COQ8B: variants seen among roughly 807,000 people sequenced by gnomAD.
COQ8B encodes coenzyme Q8B.
COQ8B carries 44 observed loss-of-function variants against 62.0 expected under a neutral mutation model. The ratio of observed to expected loss-of-function variants is 0.71; its 90% CI spans 0.56 to 0.91. COQ8B has a LOEUF of 0.91. COQ8B is among the 40% of genes least tolerant of loss of function. The pLI is 0.00. For synonymous variants in COQ8B, 252 were observed against 289.9 expected (o/e 0.87, Z 1.33); for missense variants, 649 against 731.6 (o/e 0.89, Z 1.30).
At chr19:40,712,423 A>AC (rs2082149390) in intron 4 of COQ8B, among the ~76,000 whole-genome samples, 1 of 151,534 alleles carries the variant, frequency 6.6e-6, no homozygotes, top group African/African-American at 2.4e-5. Context: ...AAAAAAAAAA[A>AC]AAAAAACAAC....
At chr19:40,710,406 T>C (rs1408817889) in intron 4 of COQ8B, among the ~76,000 whole-genome samples, 2 of 152,044 alleles carry the variant, frequency 1.3e-5, no homozygotes, top group South Asian at 2.1e-4. Flanking sequence ...CCACCACGCC[T>C]GGCTAAATTT....
At position 40,703,596 on chromosome 19, in the gene COQ8B, C is replaced by T. The variant is rs1470926732; in HGVS notation, c.744G>A (p.Gln248=). 5.0e-6 allele frequency: 8 copies of T among 1,611,908 alleles called. No individual in the cohort carries two copies. In the East Asian group the frequency reaches 1.8e-4, roughly 36 times the overall value. The change falls in exon 9 of 15, where the codon CAG becomes CAA. Residue 248 remains glutamine (Q), a synonymous_variant. Transcript: ENST00000324464. ...CCGCCAGCAGGTTCTGGACATCGCTCTGAATGCTCTGGGCTATGCCGGGGT... is the reference window on the plus strand; with the variant it reads ...CCGCCAGCAGGTTCTGGACATCGCTTTGAATGCTCTGGGCTATGCCGGGGT... The part of the protein sequence containing the change: ...IQYPGIAQSI[Q]SDVQNLLAVL...
chr19:40,691,576 C>G lies in COQ8B; in HGVS notation c.*459G>C, dbSNP rs185442840. 48 of 154,714 alleles carry G rather than the reference C, an allele frequency of 3.1e-4. No individual in the cohort carries two copies. Among genetic ancestry groups the G allele is most frequent in the Admixed American group, 2.3e-3 (36 of 15,344 alleles). The allele number at this position is 154,714 out of a possible 1,614,324, so 9.6% of individuals were successfully genotyped here. On this transcript the variant is annotated 3_prime_UTR_variant, in exon 15 of 15. Transcript: ENST00000324464. ...TCCGATTGAAGATTCAGCTCCCCCC[C>G]ACCCCGCACCCCTACCTCTCCAACA... is the stretch of plus-strand genomic sequence containing the variant.
In COQ8B at chr19:40,703,576, A is replaced by G. The variant is rs1428799055; in HGVS notation, c.764T>C (p.Leu255Pro). ...GGCCGCGCTCATCTTGAGTACCGCC[A>G]GCAGGTTCTGGACATCGCTCTGAAT... ...QSIQSDVQNL[L>P]AVLKMSAALP... is the part of the protein sequence containing the mutation. The change falls in exon 9 of 15, where the codon CTG becomes CCG. Residue 255 changes from leucine to proline, a missense_variant. Coordinates refer to ENST00000324464, the MANE Select transcript of COQ8B (RefSeq NM_024876.4). 1 of 1,610,244 alleles carries G rather than the reference A, an allele frequency of 6.2e-7. No homozygotes were observed.
intron 1 of COQ8B, chr19:40,715,399 G>A: frequency 8.1e-6 from 8 of 985,572 alleles, no homozygotes; most frequent in Non-Finnish European, 9.6e-6. Context: ...CAAACCTGAC[G>A]CCTCTCTTCT....
chr19:40,705,234 C>T (rs757869483), intron 6 of COQ8B, 53 bp from the exon 7 acceptor site: 179 of 1,599,376 alleles, frequency 1.1e-4, no homozygotes, highest in Non-Finnish European at 1.4e-4. Flanking sequence ...GAGGAGGGAC[C>T]CCGTGTGAGT....
chr19:40,702,711 C>A lies in COQ8B; in HGVS notation c.800-18G>T. 6.2e-7 allele frequency: 1 copy of A among 1,604,502 alleles called. No homozygotes were observed. The highest frequency in any genetic ancestry group is 8.5e-7 in the Non-Finnish European group (1 of 1,179,700). ...AAACAGGCCTGTGGGGGAGGTGTGT[C>A]AGCCAGGGAAGGGCCCCGAGCGCCC... On this transcript the variant is annotated intron_variant, in intron 9 of 14. Coordinates refer to ENST00000324464, the MANE Select transcript of COQ8B (RefSeq NM_024876.4).
chr19:40,715,149 G>A, intron 1 of COQ8B: 1 of 986,128 alleles, frequency 1.0e-6, no homozygotes, highest in Non-Finnish European at 1.2e-6. Context: ...CCAACCAATG[G>A]CGCGGCAGCA....
chr19:40,706,216 A>C (rs1217692804), intron 5 of COQ8B, among the ~76,000 whole-genome samples: 1 of 152,226 alleles, frequency 6.6e-6, no homozygotes, highest in African/African-American at 2.4e-5. Context: ...AGGTGGGGAC[A>C]TGAGAAGGGC....
In COQ8B at chr19:40,691,715, A is replaced by G; in HGVS notation, c.*320T>C. 4.4e-6 allele frequency: 1 copy of G among 228,100 alleles called. No homozygotes were observed. Among genetic ancestry groups the G allele is most frequent in the East Asian group, 8.4e-5 (1 of 11,912 alleles). The allele number at this position is 228,100 out of a possible 1,614,324, so 14.1% of individuals were successfully genotyped here. A position where few individuals can be genotyped will look rare whatever the true frequency, so the allele number is the denominator to read the frequency against. On this transcript the variant is annotated 3_prime_UTR_variant, in exon 15 of 15. Transcript: ENST00000324464. ...CCACGGGAGGCTTGAGGCAGAGGTG[A>G]GGGCTCCCCCTGATGAGTCTGATCT...
At chr19:40,716,411 G>A (rs1251869248) in intron 1 of COQ8B, among the ~76,000 whole-genome samples, 176 bp downstream of exon 1, 8 of 152,202 alleles carry the variant, frequency 5.3e-5, no homozygotes, top group Non-Finnish European at 1.5e-5. Flanking sequence ...ATGAGATCAT[G>A]TCAGATAGCC....
Position 40,691,970 on chromosome 19 carries a change from AAGGGATAAG to A in COQ8B, c.*56_*64del. 7.1e-7 allele frequency: 1 copy of A among 1,410,750 alleles called. No individual in the cohort carries two copies. The highest frequency in any genetic ancestry group is 9.4e-7 in the Non-Finnish European group (1 of 1,063,414). The allele number at this position is 1,410,750 out of a possible 1,614,324, so 87.4% of individuals were successfully genotyped here. ...CTCCTCTGACCCAGGGCAGACGGGG[AAGGGATAAG>A]AGGCACTACAGCAGGGTACGGCCTG... is the stretch of plus-strand genomic sequence containing the variant. On this transcript the variant is annotated 3_prime_UTR_variant, in exon 15 of 15. Coordinates refer to ENST00000324464, the MANE Select transcript of COQ8B (RefSeq NM_024876.4).
At chr19:40,699,672 C>T (rs138404690) in intron 12 of COQ8B, among the ~76,000 whole-genome samples, 232 of 152,354 alleles carry the variant, frequency 1.5e-3, no homozygotes, top group African/African-American at 5.2e-3. Flanking sequence ...ACTGCCTAGC[C>T]AGGGACTCCA....
intron 12 of COQ8B, among the ~76,000 whole-genome samples, chr19:40,696,725 C>T (rs1291644688): frequency 2.0e-5 from 3 of 151,798 alleles, no homozygotes; most frequent in African/African-American, 7.3e-5. Flanking sequence ...GCCCTGATCA[C>T]ACCTCCCCCA....
At chr19:40,692,412 G>A (rs761972495) in intron 14 of COQ8B, 39 bp from the exon 15 acceptor site, 18 of 1,584,382 alleles carry the variant, frequency 1.1e-5, no homozygotes, top group Non-Finnish European at 1.6e-5. Flanking sequence ...GGCAGCCAGT[G>A]TGGACATAGA....
At chr19:40,697,680 C>T (rs1440225765) in intron 12 of COQ8B, among the ~76,000 whole-genome samples, 1 of 151,244 alleles carries the variant, frequency 6.6e-6, no homozygotes, top group Non-Finnish European at 1.5e-5. Flanking sequence ...CCTGTAGTCC[C>T]AGCTAGTTGG....
At chr19:40,710,412 A>C (rs2082131915) in intron 4 of COQ8B, among the ~76,000 whole-genome samples, 1 of 151,726 alleles carries the variant, frequency 6.6e-6, no homozygotes, top group Non-Finnish European at 1.5e-5. Context: ...CGCCTGGCTA[A>C]ATTTTTTTTG....
chr19:40,710,205 T>C (rs1418045932), intron 4 of COQ8B, 69 bp from the exon 5 acceptor site: 14 of 1,355,362 alleles, frequency 1.0e-5, no homozygotes, highest in Non-Finnish European at 1.5e-5. Context: ...CACTCTCCTT[T>C]CTCAGTTTTT....
chr19:40,714,006 A>T, intron 4 of COQ8B, 61 bp downstream of exon 4: 1 of 1,560,248 alleles, frequency 6.4e-7, no homozygotes, highest in South Asian at 1.1e-5. Context: ...CCTTGCTTCA[A>T]TCTGTAAATG....
Sources: gnomAD v4.1 joint callset for allele counts (sites outside exome capture counted in the v4.1 genomes callset) on GRCh38, gnomAD v4.1.1 for gene constraint, MANE v1.5 for transcripts, NCBI Gene and HGNC (gene_info 2026-07-23, HGNC 2026-07-21) for gene names.